CRACD: variants seen among roughly 807,000 people sequenced by gnomAD.
The protein encoded by CRACD is capping protein-inhibiting regulator of actin dynamics.
A neutral mutation model predicts 106.8 loss-of-function variants in CRACD; 56 were observed. The observed-to-expected ratio is 0.52, with a 90% CI of 0.42 to 0.66. CRACD has a LOEUF of 0.66. Ranked by LOEUF, CRACD falls within the 30% of genes least tolerant of loss-of-function variation. The pLI, the probability that CRACD is intolerant of heterozygous loss-of-function variation, is 0.00. For synonymous variants in CRACD, 754 were observed against 670.8 expected (o/e 1.12, Z -1.92); for missense variants, 1,730 against 1,623.2 (o/e 1.07, Z -1.13).
At chr4:56,104,260 G>C (rs1733872383) in intron 1 of CRACD, among the ~76,000 whole-genome samples, 1 of 152,074 alleles carries the variant, frequency 6.6e-6, no homozygotes, top group African/African-American at 2.4e-5. Flanking sequence ...AACTGGACAT[G>C]GCATGCGCCT....
At chr4:56,154,311 CA>C (rs1735692667) in intron 1 of CRACD, among the ~76,000 whole-genome samples, 1 of 151,850 alleles carries the variant, frequency 6.6e-6, no homozygotes, top group Non-Finnish European at 1.5e-5. Context: ...ACCAAAAATA[CA>C]AAAATTAGCA....
At chr4:56,176,687 G>A (rs755437993) in intron 1 of CRACD, among the ~76,000 whole-genome samples, 24 of 152,068 alleles carry the variant, frequency 1.6e-4, no homozygotes, top group African/African-American at 4.3e-4. Flanking sequence ...CACCTGCCTT[G>A]GCCTCCCAAA....
intron 3 of CRACD, among the ~76,000 whole-genome samples, chr4:56,297,350 G>A (rs1361693231): frequency 1.3e-5 from 2 of 152,180 alleles, no homozygotes; most frequent in Non-Finnish European, 2.9e-5. Context: ...AGTGGCTCAT[G>A]CCTGTAATGC....
chr4:56,274,779 G>A (rs1168093086), intron 3 of CRACD, among the ~76,000 whole-genome samples: 1 of 152,152 alleles, frequency 6.6e-6, no homozygotes, highest in Non-Finnish European at 1.5e-5. Flanking sequence ...AAAAATTAGT[G>A]GGTATATGCC....
chr4:56,224,555 C>T (rs1387330811), intron 2 of CRACD, among the ~76,000 whole-genome samples: 3 of 152,094 alleles, frequency 2.0e-5, no homozygotes, highest in Non-Finnish European at 4.4e-5. Flanking sequence ...CAGGGAGGTA[C>T]CTACCACCTT....
intron 1 of CRACD, among the ~76,000 whole-genome samples, chr4:56,112,473 G>A (rs1351279746): frequency 6.6e-6 from 1 of 152,142 alleles, no homozygotes; most frequent in East Asian, 1.9e-4. Context: ...ATTGGTTGAG[G>A]AGGCTTTGTC....
rs1427942469 is a variant in CRACD, at chr4:56,314,455, A to C, written c.953A>C (p.Glu318Ala). The C allele has an allele frequency of 6.5e-7, 1 of 1,537,272 alleles. No individual in the cohort carries two copies. Among genetic ancestry groups the C allele is most frequent in the Non-Finnish European group, 8.8e-7 (1 of 1,140,892 alleles). Reference sequence around the variant, plus strand: ...GAGCGCGAGCGCCTGGAGGCGGAGGAGGAGCGAAGGCGTCTGCAGGCCCAG... The same window carrying C: ...GAGCGCGAGCGCCTGGAGGCGGAGGCGGAGCGAAGGCGTCTGCAGGCCCAG... The part of the protein sequence containing the change: ...REERERLEAE[E>A]ERRRLQAQAQ... The change falls in exon 8 of 11, where the codon GAG becomes GCG. Residue 318 changes from glutamate (E) to alanine (A), a missense_variant. Transcript: ENST00000682029. This position sits in a 1 kb window ranked among gnomAD's most constrained non-coding sequence, Gnocchi z 4.4.
intron 1 of CRACD, among the ~76,000 whole-genome samples, chr4:56,169,236 G>A (rs1390557855): frequency 6.6e-6 from 1 of 152,168 alleles, no homozygotes; most frequent in Non-Finnish European, 1.5e-5. Context: ...TAGAGGAAAT[G>A]AAAATATGAG....
At position 56,313,294 on chromosome 4, in the gene CRACD, G is replaced by A. The variant is rs200329151; in HGVS notation, c.452G>A (p.Arg151His). ...GATGCCATCCCCCTGGCCATCGCTCGCCTGGACAACAGTGCCGCCAAGCAC... is the reference window on the plus strand; with the variant it reads ...GATGCCATCCCCCTGGCCATCGCTCACCTGGACAACAGTGCCGCCAAGCAC... The part of the protein sequence containing the change: ...NLDAIPLAIA[R>H]LDNSAAKHKL... The change falls in exon 7 of 11, where the codon CGC (arginine) becomes CAC (histidine). Residue 151 changes from arginine (R) to histidine (H), a missense_variant. Coordinates refer to ENST00000682029, the MANE Select transcript of CRACD (RefSeq NM_001393381.1). 101 of 1,614,082 alleles carry A rather than the reference G, an allele frequency of 6.3e-5. 1 individual carries two copies. The highest frequency in any genetic ancestry group is 1.7e-4 in the Admixed American group (10 of 60,004).
intron 10 of CRACD, among the ~76,000 whole-genome samples, chr4:56,325,473 T>C (rs1313015627): frequency 1.3e-5 from 2 of 152,198 alleles, no homozygotes; most frequent in African/African-American, 4.8e-5. Context: ...AGTGAGATGG[T>C]CTGTTCTCAC....
chr4:56,113,291 A>T (rs941697312), intron 1 of CRACD, among the ~76,000 whole-genome samples: 1 of 152,160 alleles, frequency 6.6e-6, no homozygotes, highest in African/African-American at 2.4e-5. Flanking sequence ...TTGTTTGTGG[A>T]TCTTTTCAAA....
In CRACD at chr4:56,303,828, C is replaced by T. The variant is rs550049360; in HGVS notation, c.121-3707C>T. 4.6e-5 allele frequency among the ~76,000 whole-genome samples: 7 copies of T among 152,310 alleles called. No individual in the cohort carries two copies. In the East Asian group the frequency reaches 1.2e-3, roughly 25 times the overall value. On this transcript the variant is annotated intron_variant, in intron 4 of 10. Coordinates refer to ENST00000682029, the MANE Select transcript of CRACD (RefSeq NM_001393381.1). ...CCCAGATGGCTGTAGGGCATGTCTT[C>T]GAGGACAGTGCTTCGTCTGGACATA...
intron 1 of CRACD, among the ~76,000 whole-genome samples, chr4:56,089,628 C>T (rs1374536073): frequency 6.6e-6 from 1 of 151,982 alleles, no homozygotes; most frequent in Non-Finnish European, 1.5e-5. Context: ...ATTCTCCTGC[C>T]TCAGCCTGCT....
chr4:56,143,785 T>C (rs1446245556), intron 1 of CRACD, among the ~76,000 whole-genome samples: 2 of 152,188 alleles, frequency 1.3e-5, no homozygotes, highest in East Asian at 3.8e-4. Flanking sequence ...ATTATTTTAA[T>C]AAACATATAG....
At chr4:56,253,708 T>C (rs373252169) in intron 2 of CRACD, among the ~76,000 whole-genome samples, 8 of 152,214 alleles carry the variant, frequency 5.3e-5, no homozygotes, top group African/African-American at 1.9e-4. Context: ...ATTTGAACCA[T>C]AATATGTGTG....
At chr4:56,216,068 T>C (rs2109501758) in intron 2 of CRACD, 1 of 152,342 alleles carries the variant, frequency 6.6e-6, no homozygotes, top group East Asian at 1.9e-4. Flanking sequence ...TCTGTAGCTG[T>C]GGGTGAGTCA....
chr4:56,151,107 C>T (rs1285743942), intron 1 of CRACD, among the ~76,000 whole-genome samples: 1 of 152,206 alleles, frequency 6.6e-6, no homozygotes, highest in African/African-American at 2.4e-5. Context: ...AGCAATTCTC[C>T]TGCCTCAGCC....
intron 5 of CRACD, 59 bp from the exon 6 acceptor site, chr4:56,310,607 T>G (rs1577894975): frequency 8.3e-7 from 1 of 1,208,222 alleles, no homozygotes; most frequent in Non-Finnish European, 1.2e-6. Flanking sequence ...CAGTGTCTGG[T>G]TATTTGCCCA....
chr4:56,304,108 C>CACCCCTGCCAACA (rs1744527934), intron 4 of CRACD, among the ~76,000 whole-genome samples: 1 of 152,118 alleles, frequency 6.6e-6, no homozygotes, highest in Admixed American at 6.5e-5. Flanking sequence ...TCCCTCTGCC[C>CACCCCTGCCAACA]TCCCCTGCCA....
Sources: allele counts gnomAD v4.1 joint callset (sites outside exome capture counted in the v4.1 genomes callset), GRCh38; gene constraint gnomAD v4.1.1; non-coding constraint Gnocchi (gnomAD v3.1); transcripts MANE v1.5; gene names NCBI Gene and HGNC (gene_info 2026-07-23, HGNC 2026-07-21).